Variants in MTMR8 observed in about 807,000 individuals in gnomAD.
MTMR8 encodes the protein myotubularin related protein 8.
MTMR8 carries 65 observed loss-of-function variants against 39.3 expected under a neutral mutation model. That is an observed-to-expected ratio of 1.65 (90% CI 1.35 to 2.03). MTMR8 has a LOEUF of 2.03. Among genes scored for constraint, MTMR8 ranks in the 30% most tolerant of loss-of-function variants. The pLI is 0.00. For missense variants in MTMR8, 777 were observed against 538.9 expected, an observed-to-expected ratio of 1.44 and a Z score of -4.37; for synonymous variants, 245 against 185.2, an observed-to-expected ratio of 1.32 and a Z score of -2.62.
chrX:64,313,502 C>T lies in MTMR8; in HGVS notation c.1481+15270G>A, dbSNP rs562383507. Reference sequence around the variant, plus strand: ...TCACTAGAGTAGCACTTTTAATTTCCTTCAAGAACTTTTCCTTCACATTCA... The same window carrying T: ...TCACTAGAGTAGCACTTTTAATTTCTTTCAAGAACTTTTCCTTCACATTCA... On this transcript the variant is annotated intron_variant, in intron 12 of 13. Transcript: ENST00000374852. 2.8e-4 allele frequency among the ~76,000 whole-genome samples: 31 copies of T among 112,596 alleles called. No homozygotes were observed. The South Asian group carries it at 0.011, about 41-fold the overall frequency.
At position 64,354,863 on chromosome X, in the gene MTMR8, T is replaced by C. The variant is rs1329598801; in HGVS notation, c.382A>G (p.Lys128Glu). 1 of 1,206,347 alleles carries C rather than the reference T, an allele frequency of 8.3e-7. No individual in the cohort carries two copies. The highest frequency in any genetic ancestry group is 1.1e-6 in the Non-Finnish European group (1 of 891,680). The change falls in exon 4 of 14, where the codon AAA (lysine) becomes GAA (glutamate). Residue 128 changes from lysine to glutamate, a missense_variant. By Grantham distance (56) the Lys-to-Glu change is moderately conservative (BLOSUM62 1). Transcript: ENST00000374852. Reference sequence around the variant, plus strand: ...AAGTCTGATATTGGGTCAATCAGTTTCCATCCACTTTCCCTCATCTCTTTT... The same window carrying C: ...AAGTCTGATATTGGGTCAATCAGTTCCCATCCACTTTCCCTCATCTCTTTT... The part of the protein sequence containing the change: ...SSKEMRESGW[K>E]LIDPISDFGR...
intron 7 of MTMR8, among the ~76,000 whole-genome samples, chrX:64,344,185 C>G (rs916891104): frequency 9.0e-6 from 1 of 111,116 alleles, no homozygotes; most frequent in Non-Finnish European, 1.9e-5. Context: ...CAATAATTAT[C>G]CAGCAGAGGG....
At chrX:64,275,271 A>T (rs1931846417) in intron 12 of MTMR8, among the ~76,000 whole-genome samples, 1 of 111,532 alleles carries the variant, frequency 9.0e-6, no homozygotes, top group South Asian at 3.8e-4. Flanking sequence ...AAGAAGAAAG[A>T]TCTAAAATCA....
intron 12 of MTMR8, among the ~76,000 whole-genome samples, chrX:64,311,767 CTT>C (rs1193336126): frequency 3.7e-5 from 3 of 80,909 alleles, no homozygotes; most frequent in Non-Finnish European, 2.4e-5. Context: ...TTCCCCATTG[CTT>C]TTTTTTTTTT....
chrX:64,365,038 A>T (rs1923907559), intron 1 of MTMR8, among the ~76,000 whole-genome samples: 1 of 111,663 alleles, frequency 9.0e-6, no homozygotes, highest in Non-Finnish European at 1.9e-5. Flanking sequence ...TTGATGAAAT[A>T]AAGTGAGAAG....
At chrX:64,272,689 C>T (rs777260218) in intron 12 of MTMR8, among the ~76,000 whole-genome samples, 2 of 110,587 alleles carry the variant, frequency 1.8e-5, no homozygotes, top group Non-Finnish European at 3.8e-5. Flanking sequence ...ATGACCAAAA[C>T]ACGATGAATC....
intron 12 of MTMR8, among the ~76,000 whole-genome samples, chrX:64,325,364 C>A (rs764977558): frequency 5.4e-5 from 6 of 111,827 alleles, no homozygotes; most frequent in African/African-American, 1.9e-4. Flanking sequence ...AAGAATATCC[C>A]TGATGAACAC....
At chrX:64,282,598 A>C in intron 12 of MTMR8, among the ~76,000 whole-genome samples, 1 of 112,066 alleles carries the variant, frequency 8.9e-6, no homozygotes. Flanking sequence ...TAAAAGACCT[A>C]AAGGTAAGGG....
intron 1 of MTMR8, among the ~76,000 whole-genome samples, chrX:64,386,572 A>T (rs1191608178): frequency 8.9e-6 from 1 of 112,034 alleles, no homozygotes; most frequent in Non-Finnish European, 1.9e-5. Flanking sequence ...CCCTACCACC[A>T]CGGAAAATAC....
intron 1 of MTMR8, among the ~76,000 whole-genome samples, chrX:64,366,973 T>C (rs1044592211): frequency 2.7e-5 from 3 of 111,546 alleles, no homozygotes; most frequent in African/African-American, 9.8e-5. Context: ...GAGAATACTA[T>C]AAACACCTCT....
chrX:64,369,361 A>G (rs1221462608), intron 1 of MTMR8, among the ~76,000 whole-genome samples: 3 of 111,899 alleles, frequency 2.7e-5, no homozygotes, highest in Non-Finnish European at 3.8e-5. Flanking sequence ...CTTGGAACCA[A>G]CCCAGATGTC....
At chrX:64,386,388 C>G (rs898405406) in intron 1 of MTMR8, among the ~76,000 whole-genome samples, 8 of 111,801 alleles carry the variant, frequency 7.2e-5, no homozygotes, top group Non-Finnish European at 1.5e-4. Flanking sequence ...CAAGGTGGGA[C>G]AAGGCCAGAG....
intron 1 of MTMR8, among the ~76,000 whole-genome samples, chrX:64,365,405 G>A (rs978133902): frequency 1.8e-5 from 2 of 111,417 alleles, no homozygotes; most frequent in Non-Finnish European, 3.8e-5. Context: ...GACTAACAGC[G>A]GATCTCTCAG....
intron 12 of MTMR8, among the ~76,000 whole-genome samples, chrX:64,311,902 T>C (rs773320220): frequency 9.0e-6 from 1 of 110,668 alleles, no homozygotes; most frequent in East Asian, 2.8e-4. Context: ...TTTTGGTTAC[T>C]GTAGCCTTGT....
At chrX:64,334,057 A>G (rs1240970683) in intron 10 of MTMR8, among the ~76,000 whole-genome samples, 2 of 111,000 alleles carry the variant, frequency 1.8e-5, no homozygotes, top group Non-Finnish European at 3.8e-5. Context: ...GAGTTACCTT[A>G]TCTGAATCCA....
chrX:64,292,020 C>T (rs771012270), intron 12 of MTMR8, among the ~76,000 whole-genome samples: 32 of 111,686 alleles, frequency 2.9e-4, no homozygotes, highest in Non-Finnish European at 4.9e-4. Context: ...TGTGGGTTAC[C>T]CCAGATCCCA....
chrX:64,363,602 A>T lies in MTMR8; in HGVS notation c.25-4075T>A, dbSNP rs182837569. Among the ~76,000 whole-genome samples, 317 of 112,130 alleles carry T rather than the reference A, an allele frequency of 2.8e-3. 1 individual carries two copies. Among genetic ancestry groups the T allele is most frequent in the African/African-American group, 1.0e-2 (308 of 30,876 alleles). ...GCCAATTAAACTTCTTTTCTTTAAA[A>T]ATTACTCAGTCTCTTCTTTTCTAAT... On this transcript the variant is annotated intron_variant, in intron 1 of 13. Coordinates refer to ENST00000374852, the MANE Select transcript of MTMR8 (RefSeq NM_017677.4).
intron 12 of MTMR8, among the ~76,000 whole-genome samples, chrX:64,307,332 C>T (rs1432464524): frequency 9.0e-6 from 1 of 111,627 alleles, no homozygotes; most frequent in Non-Finnish European, 1.9e-5. Context: ...AAGTTTTCTT[C>T]TAAAAGATTT....
chrX:64,320,567 G>A (rs1922610219), intron 12 of MTMR8, among the ~76,000 whole-genome samples: 1 of 109,549 alleles, frequency 9.1e-6, no homozygotes, highest in African/African-American at 3.3e-5. Context: ...GCACTTAAAG[G>A]CAAATGTACT....
Sources: gnomAD v4.1 joint callset for allele counts (sites outside exome capture counted in the v4.1 genomes callset) on GRCh38, gnomAD v4.1.1 for gene constraint, MANE v1.5 for transcripts, NCBI Gene and HGNC (gene_info 2026-07-23, HGNC 2026-07-21) for gene names.